The following LRRC37A2 variants were observed in gnomAD, a reference collection of about 807,000 sequenced individuals.
The protein encoded by LRRC37A2 is leucine-rich repeat-containing protein 37A2.
Under a neutral mutation model 68.8 loss-of-function variants are expected in LRRC37A2, and 9 were observed. The ratio of observed to expected loss-of-function variants is 0.13; its 90% confidence interval spans 0.08 to 0.23. The LOEUF is 0.23. LRRC37A2 is among the 10% of genes least tolerant of loss of function. LRRC37A2 has a pLI of 1.00. For missense variants in LRRC37A2, 168 were observed against 950.4 expected (o/e 0.18, Z 10.82); for synonymous variants, 63 against 367.6 (o/e 0.17, Z 9.48).
the LRRC37A2 span, among the ~76,000 whole-genome samples, chr17:46,798,130 T>C: frequency 6.6e-6 from 1 of 152,324 alleles, no homozygotes; most frequent in South Asian, 2.1e-4. Flanking sequence ...GGCTTCACCA[T>C]GTTGGCCAGG....
chr17:46,760,163 C>G, the LRRC37A2 span, among the ~76,000 whole-genome samples: 1 of 152,218 alleles, frequency 6.6e-6, no homozygotes, highest in African/African-American at 2.4e-5. Context: ...ACTTGGGAGG[C>G]TGAGGAGGAT....
chr17:46,892,407 C>T, the LRRC37A2 span, among the ~76,000 whole-genome samples: 1 of 152,220 alleles, frequency 6.6e-6, no homozygotes, highest in African/African-American at 2.4e-5. Context: ...GTGTTCCCAG[C>T]TCTGTGCCTT....
At chr17:46,796,013 G>A in the LRRC37A2 span, among the ~76,000 whole-genome samples, 36 of 152,202 alleles carry the variant, frequency 2.4e-4, no homozygotes, top group African/African-American at 7.7e-4. Context: ...TCAGGTTGTC[G>A]GCAGGGTAAT....
At chr17:46,790,970 G>A in the LRRC37A2 span, among the ~76,000 whole-genome samples, 18 of 152,318 alleles carry the variant, frequency 1.2e-4, no homozygotes, top group African/African-American at 3.4e-4. Flanking sequence ...CTGACTCCTC[G>A]TTTCCTCTGG....
chr17:46,791,398 G>A, the LRRC37A2 span, among the ~76,000 whole-genome samples: 1 of 152,034 alleles, frequency 6.6e-6, no homozygotes, highest in Admixed American at 6.5e-5. Context: ...GTAGAGACGG[G>A]GTTTCAACAT....
the LRRC37A2 span, chr17:46,940,192 T>C: frequency 7.2e-7 from 1 of 1,382,942 alleles, no homozygotes; most frequent in Non-Finnish European, 9.4e-7. Flanking sequence ...AGCTCCCCTT[T>C]GGTAAGTTTT....
the LRRC37A2 span, among the ~76,000 whole-genome samples, chr17:46,857,429 T>G: frequency 6.9e-6 from 1 of 144,320 alleles, no homozygotes; most frequent in Non-Finnish European, 1.5e-5. Context: ...GAGCCAAGAC[T>G]GTGCCACTGC....
chr17:46,931,060 C>T, the LRRC37A2 span: 10 of 1,068,548 alleles, frequency 9.4e-6, no homozygotes, highest in African/African-American at 3.1e-5. Context: ...AGTTCACTAT[C>T]TCTTTTCCAG....
the LRRC37A2 span, chr17:46,722,223 G>C: frequency 3.6e-6 from 5 of 1,392,396 alleles, no homozygotes; most frequent in Non-Finnish European, 4.1e-6. Flanking sequence ...CAAATCTCGC[G>C]AGAGCACGTC....
chr17:47,043,143 ATTTTC>A, the LRRC37A2 span, among the ~76,000 whole-genome samples: 9 of 150,934 alleles, frequency 6.0e-5, no homozygotes, highest in South Asian at 1.9e-3. Context: ...CTAAAGGCAG[ATTTTC>A]TTTTATTTCT....
chr17:46,978,021 C>T, the LRRC37A2 span: 1 of 152,372 alleles, frequency 6.6e-6, no homozygotes, highest in African/African-American at 2.4e-5. Context: ...GCCCCAGGAT[C>T]CTTGACCTGA....
the LRRC37A2 span, among the ~76,000 whole-genome samples, chr17:47,035,361 A>G: frequency 6.6e-6 from 1 of 152,118 alleles, no homozygotes; most frequent in South Asian, 2.1e-4. Context: ...CTACTAATCT[A>G]CTTTGAGTCC....
the LRRC37A2 span, among the ~76,000 whole-genome samples, chr17:46,994,851 G>C: frequency 3.9e-5 from 6 of 152,132 alleles, no homozygotes; most frequent in Non-Finnish European, 8.8e-5. Context: ...TCCAGGTACA[G>C]TGGCTCATTC....
chr17:46,942,700 G>T, the LRRC37A2 span, among the ~76,000 whole-genome samples: 2 of 152,258 alleles, frequency 1.3e-5, no homozygotes, highest in Non-Finnish European at 2.9e-5. Flanking sequence ...CTCAGGCCTT[G>T]CCCCTAGGGG....
At chr17:46,833,345 C>T in the LRRC37A2 span, 3 of 518,110 alleles carry the variant, frequency 5.8e-6, no homozygotes, top group South Asian at 2.8e-5. Context: ...GTATCAATTG[C>T]ATGAAAGGAC....
the LRRC37A2 span, among the ~76,000 whole-genome samples, chr17:46,821,787 G>A: frequency 6.6e-6 from 1 of 152,338 alleles, no homozygotes; most frequent in Non-Finnish European, 1.5e-5. Context: ...CTGGCTCGGA[G>A]GTTCCTTTTG....
the LRRC37A2 span, chr17:46,722,307 C>T: frequency 1.4e-6 from 1 of 733,024 alleles, no homozygotes; most frequent in Non-Finnish European, 2.4e-6. Flanking sequence ...TACCTCCAGC[C>T]TCAGTCCTCC....
the LRRC37A2 span, among the ~76,000 whole-genome samples, chr17:46,681,620 G>T: frequency 3.8e-4 from 56 of 145,492 alleles, no homozygotes; most frequent in Non-Finnish European, 6.3e-4. Flanking sequence ...TAAAATTTTT[G>T]TTGAGGGTAA....
chr17:47,003,426 A>C, the LRRC37A2 span, among the ~76,000 whole-genome samples: 7 of 152,150 alleles, frequency 4.6e-5, no homozygotes, highest in African/African-American at 1.7e-4. Context: ...ATCACACAAC[A>C]GGGGGGCAGG....
Sources: gnomAD v4.1 joint callset for allele counts (sites outside exome capture counted in the v4.1 genomes callset) on GRCh38, gnomAD v4.1.1 for gene constraint, MANE v1.5 for transcripts, NCBI Gene and HGNC (gene_info 2026-07-23, HGNC 2026-07-21) for gene names.